Variants in DTNB observed in about 807,000 individuals in gnomAD.
The protein encoded by DTNB is DTN-B.
DTNB carries 63 observed loss-of-function variants against 90.7 expected under a neutral mutation model. That is an observed-to-expected ratio of 0.69 (90% CI 0.57 to 0.86). The LOEUF is 0.86. Ranked by LOEUF, DTNB falls within the 40% of genes least tolerant of loss-of-function variation. The pLI is 0.00. For synonymous variants in DTNB, 277 were observed against 286.7 expected (o/e 0.97, Z 0.34); for missense variants, 744 against 807.1 (o/e 0.92, Z 0.95).
chr2:25,480,642 C>T (rs1014546460), intron 10 of DTNB, among the ~76,000 whole-genome samples: 1 of 152,130 alleles, frequency 6.6e-6, no homozygotes, highest in African/African-American at 2.4e-5. Context: ...CAGCTGTGGT[C>T]GCCCTCATGT....
At chr2:25,482,621 A>G (rs2065199360) in intron 10 of DTNB, among the ~76,000 whole-genome samples, 175 bp downstream of exon 10, 2 of 152,240 alleles carry the variant, frequency 1.3e-5, no homozygotes, top group Non-Finnish European at 2.9e-5. Flanking sequence ...CGGTGGGGGA[A>G]AAAAGGAAAA....
rs191638445 is a variant in DTNB at position 25,398,018 on chromosome 2, C to T, written c.1576-9657G>A. On this transcript the variant is annotated intron_variant, in intron 16 of 20. Coordinates refer to ENST00000406818, the MANE Select transcript of DTNB (RefSeq NM_021907.5). Reference sequence around the variant, plus strand: ...GCATGATCTGGGCCAGGCACCATGGCCTGAGGACCGCACATCAGAGTCATA... The same window carrying T: ...GCATGATCTGGGCCAGGCACCATGGTCTGAGGACCGCACATCAGAGTCATA... Among the ~76,000 whole-genome samples, 24 of 152,288 alleles carry T rather than the reference C, an allele frequency of 1.6e-4. No homozygotes were observed. In the East Asian group the frequency reaches 4.2e-3, roughly 27 times the overall value.
At chr2:25,408,558 A>AAAT (rs2045859191) in intron 16 of DTNB, among the ~76,000 whole-genome samples, 1 of 150,936 alleles carries the variant, frequency 6.6e-6, no homozygotes, top group African/African-American at 2.4e-5. Context: ...AAAAAAAAAA[A>AAAT]AAAAAGCACC....
intron 8 of DTNB, among the ~76,000 whole-genome samples, chr2:25,536,998 C>A (rs1002732894): frequency 2.0e-5 from 3 of 152,146 alleles, no homozygotes; most frequent in Non-Finnish European, 4.4e-5. Flanking sequence ...GCCTCAGCCT[C>A]CCAAAGTGCT....
At chr2:25,554,707 C>T (rs1451136029) in intron 8 of DTNB, among the ~76,000 whole-genome samples, 2 of 151,998 alleles carry the variant, frequency 1.3e-5, no homozygotes, top group Non-Finnish European at 2.9e-5. Context: ...TTCTATATGG[C>T]ACTGAAAATA....
chr2:25,433,956 T>C lies in DTNB; in HGVS notation c.1297A>G (p.Asn433Asp). The change falls in exon 13 of 21, where the codon AAC becomes GAC. Residue 433 changes from asparagine to aspartate, a missense_variant. By Grantham distance (23) the Asn-to-Asp change is conservative. Transcript: ENST00000406818. ...PTDLSFNFDA[N>D]KQQRQLIAEL... ...GCAATAAGCTGTCTTTGTTGTTTGT[T>C]GGCATCAAAGTTAAAGCTCAAGTCA... is the stretch of plus-strand genomic sequence containing the variant. 3 of 1,613,878 alleles carry C rather than the reference T, an allele frequency of 1.9e-6. No individual in the cohort carries two copies. The highest frequency in any genetic ancestry group is 2.5e-6 in the Non-Finnish European group (3 of 1,179,836).
intron 9 of DTNB, among the ~76,000 whole-genome samples, chr2:25,500,743 T>G (rs994072108): frequency 6.6e-6 from 1 of 152,008 alleles, no homozygotes; most frequent in Non-Finnish European, 1.5e-5. Context: ...AAAAAATGAC[T>G]TAAAGATATA....
chr2:25,628,372 T>C lies in DTNB; in HGVS notation c.161A>G (p.Asp54Gly), dbSNP rs1010276937. 11 of 1,612,854 alleles carry C rather than the reference T, an allele frequency of 6.8e-6. No homozygotes were observed. Among genetic ancestry groups the C allele is most frequent in the South Asian group, 1.1e-5 (1 of 90,770 alleles). ...GAAGGCTTCAATCATGTTCCAGATA[T>C]CAACAAGATGAACTAAAAGACAAAG... ...VQKRCNLHLV[D>G]IWNMIEAFRD... Residue 54 changes from aspartate to glycine, a missense_variant, in exon 4 of 21, where the codon GAT (aspartate) becomes GGT (glycine). Asp to Gly is a moderately conservative substitution (Grantham distance 94). Transcript: ENST00000406818.
chr2:25,563,618 C>T (rs897749385), intron 8 of DTNB, among the ~76,000 whole-genome samples: 1 of 152,078 alleles, frequency 6.6e-6, no homozygotes, highest in Non-Finnish European at 1.5e-5. Context: ...ATTTTGAATT[C>T]GTGTTTCATA....
chr2:25,610,106 T>C (rs2068190688), intron 4 of DTNB, among the ~76,000 whole-genome samples: 1 of 152,204 alleles, frequency 6.6e-6, no homozygotes. Context: ...TATATTTTTT[T>C]TGTTGTTGTC....
At chr2:25,425,781 G>A (rs764583456) in intron 15 of DTNB, among the ~76,000 whole-genome samples, 1 of 152,204 alleles carries the variant, frequency 6.6e-6, no homozygotes, top group Admixed American at 6.5e-5. Flanking sequence ...GCAGGAGCAA[G>A]TATCCTGGTA....
chr2:25,544,241 TG>T (rs1357994522), intron 8 of DTNB, among the ~76,000 whole-genome samples: 4 of 152,208 alleles, frequency 2.6e-5, no homozygotes, highest in African/African-American at 9.6e-5. Flanking sequence ...CTCACTGCAA[TG>T]GTTTCATGTG....
chr2:25,388,996 G>A (rs918740527), intron 16 of DTNB, among the ~76,000 whole-genome samples: 5 of 152,068 alleles, frequency 3.3e-5, no homozygotes, highest in Non-Finnish European at 7.4e-5. Context: ...ACAGGTGTGC[G>A]CCACCACGCT....
intron 1 of DTNB, 59 bp from the exon 2 acceptor site, chr2:25,652,720 T>G: frequency 1.3e-6 from 2 of 1,563,212 alleles, no homozygotes; most frequent in Non-Finnish European, 1.7e-6. Flanking sequence ...AATCAAGTGC[T>G]AATCATTCTA....
chr2:25,632,443 G>A (rs564918253), intron 3 of DTNB, among the ~76,000 whole-genome samples: 3 of 152,304 alleles, frequency 2.0e-5, no homozygotes, highest in African/African-American at 7.2e-5. Context: ...CAAAAATGAT[G>A]TTGAAATGTA....
At chr2:25,378,708 C>T (rs1304801787) in intron 20 of DTNB, among the ~76,000 whole-genome samples, 2 of 152,210 alleles carry the variant, frequency 1.3e-5, no homozygotes, top group African/African-American at 4.8e-5. Context: ...CAATGAGCAT[C>T]TGCCACTGGA....
intron 9 of DTNB, among the ~76,000 whole-genome samples, chr2:25,484,892 T>C (rs2065813786): frequency 6.6e-6 from 1 of 152,246 alleles, no homozygotes; most frequent in Admixed American, 6.5e-5. Context: ...ATTAATCAGT[T>C]GTTTTAGGTT....
chr2:25,382,773 C>T (rs1314177781), intron 19 of DTNB, among the ~76,000 whole-genome samples: 1 of 152,092 alleles, frequency 6.6e-6, no homozygotes, highest in African/African-American at 2.4e-5. Flanking sequence ...AAGTGATCCG[C>T]CCGCCTCGGC....
intron 4 of DTNB, among the ~76,000 whole-genome samples, chr2:25,625,799 T>TC (rs982037564): frequency 2.0e-4 from 31 of 152,230 alleles, no homozygotes; most frequent in African/African-American, 7.0e-4. Flanking sequence ...ATGCCTGTGT[T>TC]CCCCAAAATT....
Sources: allele counts gnomAD v4.1 joint callset (sites outside exome capture counted in the v4.1 genomes callset), GRCh38; gene constraint gnomAD v4.1.1; transcripts MANE v1.5; gene names NCBI Gene and HGNC (gene_info 2026-07-23, HGNC 2026-07-21).